NCKAP5: variants seen among roughly 807,000 people sequenced by gnomAD.
NCKAP5 encodes nck-associated protein 5.
Under a neutral mutation model 167.0 loss-of-function variants are expected in NCKAP5, and 92 were observed. The observed-to-expected ratio is 0.55, with a 90% CI of 0.47 to 0.66. NCKAP5 has a LOEUF of 0.66. Ranked by LOEUF, NCKAP5 falls within the 30% of genes least tolerant of loss-of-function variation. The probability of loss-of-function intolerance (pLI) is 0.00; values close to 1 mark genes in which losing one functional copy is unlikely to be tolerated. For synonymous variants in NCKAP5, 891 were observed against 877.4 expected, an observed-to-expected ratio of 1.02 and a Z score of -0.27; for missense variants, 2,378 against 2,315.0, an observed-to-expected ratio of 1.03 and a Z score of -0.56.
chr2:133,370,490 G>T (rs1244098571), intron 3 of NCKAP5, among the ~76,000 whole-genome samples: 3 of 152,134 alleles, frequency 2.0e-5, no homozygotes, highest in African/African-American at 7.2e-5. Context: ...GTAAGTAGAG[G>T]TTATGTGGAA....
chr2:133,190,231 C>T (rs555474593), intron 5 of NCKAP5, among the ~76,000 whole-genome samples: 75 of 152,094 alleles, frequency 4.9e-4, no homozygotes, highest in African/African-American at 1.8e-3. Context: ...CATGAAGGAC[C>T]TCTTCAAGGA....
chr2:132,932,173 G>A (rs944820676), intron 8 of NCKAP5, among the ~76,000 whole-genome samples: 1 of 152,136 alleles, frequency 6.6e-6, no homozygotes, highest in Non-Finnish European at 1.5e-5. Context: ...TGTTTTATAT[G>A]CCACAGCTTT....
chr2:133,256,149 G>C (rs984598713), intron 4 of NCKAP5, among the ~76,000 whole-genome samples: 1 of 152,094 alleles, frequency 6.6e-6, no homozygotes, highest in South Asian at 2.1e-4. Context: ...TTTTCACTTA[G>C]TTTGGGGTTA....
chr2:133,128,852 C>G (rs935141489), intron 6 of NCKAP5, among the ~76,000 whole-genome samples: 9 of 152,086 alleles, frequency 5.9e-5, no homozygotes, highest in African/African-American at 1.9e-4. Context: ...CCCACCTTGG[C>G]CTTCCAAAGT....
the NCKAP5 span, among the ~76,000 whole-genome samples, chr2:133,576,900 C>T: frequency 6.6e-6 from 1 of 152,204 alleles, no homozygotes; most frequent in African/African-American, 2.4e-5. Context: ...GTTAGTGATT[C>T]ATATCAGCTT....
chr2:133,165,741 T>C (rs2083972921), intron 5 of NCKAP5, among the ~76,000 whole-genome samples: 1 of 152,178 alleles, frequency 6.6e-6, no homozygotes, highest in East Asian at 1.9e-4. Flanking sequence ...CCATCTTTGG[T>C]ATCAGATACC....
chr2:132,773,205 A>G (rs1443817316), intron 16 of NCKAP5, among the ~76,000 whole-genome samples: 2 of 152,200 alleles, frequency 1.3e-5, no homozygotes, highest in Non-Finnish European at 2.9e-5. Flanking sequence ...CAAGGAATGC[A>G]GTCACAGGCA....
intron 11 of NCKAP5, among the ~76,000 whole-genome samples, chr2:132,827,307 C>G (rs933509787): frequency 1.2e-4 from 18 of 152,110 alleles, no homozygotes; most frequent in African/African-American, 4.1e-4. Flanking sequence ...AATGGATAAT[C>G]CAGTGGCATT....
At chr2:133,130,173 C>A in intron 5 of NCKAP5, 62 bp from the exon 6 acceptor site, 2 of 1,546,026 alleles carry the variant, frequency 1.3e-6, no homozygotes, top group Non-Finnish European at 1.7e-6. Flanking sequence ...TAAGAAATAG[C>A]TGGTTATCAA....
chr2:133,341,727 T>C (rs1468192287), intron 3 of NCKAP5, among the ~76,000 whole-genome samples: 1 of 152,218 alleles, frequency 6.6e-6, no homozygotes, highest in Non-Finnish European at 1.5e-5. Context: ...TCCATCTTTG[T>C]ACCCGTATCT....
chr2:132,725,370 T>C (rs934637842), intron 19 of NCKAP5, among the ~76,000 whole-genome samples: 11 of 152,220 alleles, frequency 7.2e-5, no homozygotes, highest in Non-Finnish European at 1.3e-4. Context: ...GATAACTCAA[T>C]TGGAGGCTGT....
chr2:133,265,690 C>A (rs2089164351), intron 4 of NCKAP5, among the ~76,000 whole-genome samples: 1 of 152,016 alleles, frequency 6.6e-6, no homozygotes, highest in Admixed American at 6.6e-5. Flanking sequence ...ATCTCCCCTA[C>A]ACGCGCAAGG....
chr2:133,241,643 A>G (rs2087709003), intron 4 of NCKAP5, among the ~76,000 whole-genome samples: 1 of 151,744 alleles, frequency 6.6e-6, no homozygotes, highest in African/African-American at 2.4e-5. Context: ...CTCCTCTTCT[A>G]TTTTCATCTA....
At chr2:132,768,637 CTTTTT>C (rs566719697) in intron 16 of NCKAP5, among the ~76,000 whole-genome samples, 1 of 124,584 alleles carries the variant, frequency 8.0e-6, no homozygotes, top group Non-Finnish European at 1.6e-5. Context: ...TTAATAATAT[CTTTTT>C]TTTTTTTTTT....
chr2:133,183,159 T>C (rs2150043707), intron 5 of NCKAP5, among the ~76,000 whole-genome samples: 1 of 152,084 alleles, frequency 6.6e-6, no homozygotes, highest in South Asian at 2.1e-4. Context: ...GCACAGATGG[T>C]TTCACTAGAG....
At chr2:132,712,399 C>G (rs1688936664) in intron 19 of NCKAP5, among the ~76,000 whole-genome samples, 1 of 152,154 alleles carries the variant, frequency 6.6e-6, no homozygotes, top group Non-Finnish European at 1.5e-5. Context: ...CTCCTGTAAT[C>G]CCAGCACTTT....
chr2:133,552,356 C>T (rs1285025728), intron 2 of NCKAP5, among the ~76,000 whole-genome samples: 1 of 122,266 alleles, frequency 8.2e-6, no homozygotes, highest in Non-Finnish European at 1.7e-5. Flanking sequence ...AAATGTCCAA[C>T]AATGATAGAC....
At chr2:132,688,912 G>A (rs377697383) in intron 19 of NCKAP5, among the ~76,000 whole-genome samples, 21 of 149,354 alleles carry the variant, frequency 1.4e-4, no homozygotes, top group Non-Finnish European at 2.1e-4. Context: ...ATCAAGCCCA[G>A]GAGATTGAGG....
chr2:133,557,489 A>AAG (rs200871895), intron 2 of NCKAP5, among the ~76,000 whole-genome samples: 2 of 152,222 alleles, frequency 1.3e-5, no homozygotes, highest in Admixed American at 6.5e-5. Flanking sequence ...ATATGAACGA[A>AAG]AGAGAGAGAG....
Sources: allele counts gnomAD v4.1 joint callset (sites outside exome capture counted in the v4.1 genomes callset), GRCh38; gene constraint gnomAD v4.1.1; transcripts MANE v1.5; gene names NCBI Gene and HGNC (gene_info 2026-07-23, HGNC 2026-07-21).